FAT3: variants seen among roughly 807,000 people sequenced by gnomAD.
FAT3 encodes the protein protocadherin Fat 3.
In FAT3, 95 loss-of-function variants were observed where a neutral mutation model predicts 310.2. The observed-to-expected ratio is 0.31, with a 90% CI of 0.26 to 0.36. The LOEUF (loss-of-function observed/expected upper bound fraction) is 0.36. Among genes scored for constraint, FAT3 ranks in the 10% least tolerant of loss-of-function variants. The pLI is 1.00. For missense variants in FAT3, 5,408 were observed against 5,715.6 expected (o/e 0.95, Z 1.74); for synonymous variants, 2,314 against 2,192.9 (o/e 1.06, Z -1.54).
chr11:92,837,548 A>G, intron 16 of FAT3, 115 bp from the exon 17 acceptor site: 1 of 1,292,088 alleles, frequency 7.7e-7, no homozygotes, highest in Non-Finnish European at 1.1e-6. Context: ...GGAAAATCAA[A>G]CTAAAGATGG....
intron 19 of FAT3, among the ~76,000 whole-genome samples, chr11:92,852,158 A>T (rs998780760): frequency 6.6e-6 from 1 of 152,226 alleles, no homozygotes; most frequent in Non-Finnish European, 1.5e-5. Flanking sequence ...CAGGGTTGGC[A>T]TACAAAGGTT....
intron 2 of FAT3, among the ~76,000 whole-genome samples, chr11:92,407,587 C>G (rs1024129119): frequency 2.6e-5 from 4 of 152,118 alleles, no homozygotes; most frequent in African/African-American, 9.7e-5. Context: ...ATAAATGTAA[C>G]TAGTCAAGAC....
chr11:92,637,478 T>G (rs777298806), intron 3 of FAT3, among the ~76,000 whole-genome samples: 2 of 152,328 alleles, frequency 1.3e-5, no homozygotes, highest in Non-Finnish European at 2.9e-5. Flanking sequence ...GATTAAATTC[T>G]CTCACTTTTG....
intron 3 of FAT3, among the ~76,000 whole-genome samples, chr11:92,577,278 T>C (rs953430657): frequency 4.6e-5 from 7 of 151,844 alleles, no homozygotes; most frequent in East Asian, 1.9e-4. Flanking sequence ...CCCATTAATT[T>C]TTGCATTTTT....
intron 2 of FAT3, among the ~76,000 whole-genome samples, chr11:92,414,074 G>A (rs1591255166): frequency 6.6e-6 from 1 of 152,052 alleles, no homozygotes; most frequent in Non-Finnish European, 1.5e-5. Context: ...TCTTTGGTGG[G>A]TTGCTGCTTG....
chr11:92,755,958 G>T (rs1257329237), intron 4 of FAT3, among the ~76,000 whole-genome samples: 1 of 152,102 alleles, frequency 6.6e-6, no homozygotes, highest in Non-Finnish European at 1.5e-5. Context: ...AAATATTTAT[G>T]GAATTCTTAC....
intron 22 of FAT3, among the ~76,000 whole-genome samples, chr11:92,877,557 C>A (rs533205948): frequency 5.9e-5 from 9 of 152,292 alleles, no homozygotes; most frequent in Admixed American, 2.6e-4. Context: ...GTATTAGAAA[C>A]CAGGCCTTTA....
At chr11:92,770,725 A>C (rs1946435863) in intron 6 of FAT3, among the ~76,000 whole-genome samples, 1 of 152,184 alleles carries the variant, frequency 6.6e-6, no homozygotes, top group Non-Finnish European at 1.5e-5. Flanking sequence ...AAGCTGTGTG[A>C]TTCTCACCAT....
chr11:92,277,948 G>A (rs1339737208), intron 1 of FAT3, among the ~76,000 whole-genome samples: 1 of 151,948 alleles, frequency 6.6e-6, no homozygotes, highest in African/African-American at 2.4e-5. Flanking sequence ...GCTGGGCCTG[G>A]TGGCACAAGC....
chr11:92,598,835 A>G (rs1453801388), intron 3 of FAT3, among the ~76,000 whole-genome samples: 2 of 152,176 alleles, frequency 1.3e-5, no homozygotes, highest in Admixed American at 1.3e-4. Flanking sequence ...GATGACAATG[A>G]TAATGATTAA....
intron 2 of FAT3, among the ~76,000 whole-genome samples, chr11:92,363,885 C>G (rs1948945560): frequency 6.6e-6 from 1 of 152,146 alleles, no homozygotes; most frequent in Non-Finnish European, 1.5e-5. Context: ...TTGTAGTTGT[C>G]ATGTAAGCCA....
chr11:92,606,537 T>C (rs2135603637), intron 3 of FAT3, among the ~76,000 whole-genome samples: 1 of 152,320 alleles, frequency 6.6e-6, no homozygotes, highest in Non-Finnish European at 1.5e-5. Context: ...TTAGCAAATG[T>C]CTTCACTTGC....
At chr11:92,530,387 T>C (rs556575246) in intron 3 of FAT3, among the ~76,000 whole-genome samples, 2 of 152,218 alleles carry the variant, frequency 1.3e-5, no homozygotes, top group East Asian at 1.9e-4. Flanking sequence ...CAGAGACACC[T>C]GAGGACAAGA....
intron 1 of FAT3, among the ~76,000 whole-genome samples, chr11:92,346,091 C>T (rs962759999): frequency 2.0e-5 from 3 of 152,100 alleles, no homozygotes; most frequent in African/African-American, 7.2e-5. Flanking sequence ...TTCAGGCAGC[C>T]ATTAGCACCA....
chr11:92,575,248 A>G (rs1279021183), intron 3 of FAT3, among the ~76,000 whole-genome samples: 2 of 152,270 alleles, frequency 1.3e-5, no homozygotes, highest in Non-Finnish European at 2.9e-5. Flanking sequence ...CTGGCTCACT[A>G]AAGATACACA....
At chr11:92,538,277 C>T (rs1254551261) in intron 3 of FAT3, among the ~76,000 whole-genome samples, 1 of 151,970 alleles carries the variant, frequency 6.6e-6, no homozygotes, top group African/African-American at 2.4e-5. Context: ...AGAATTTTAC[C>T]CTGTGAAATT....
At chr11:92,230,015 A>G (rs1649834026) in intron 1 of FAT3, among the ~76,000 whole-genome samples, 1 of 152,146 alleles carries the variant, frequency 6.6e-6, no homozygotes, top group South Asian at 2.1e-4. Flanking sequence ...TGAACAATGC[A>G]TTATTGAAGG....
At position 92,281,645 on chromosome 11, in the gene FAT3, G is replaced by T. The variant is rs16917335; in HGVS notation, c.-18+56471G>T. On this transcript the variant is annotated intron_variant, in intron 1 of 27. Coordinates refer to ENST00000525166, the MANE Select transcript of FAT3 (RefSeq NM_001367949.2). ...TGACTTTTCCTCAGAGCCTAGCATA[G>T]TAACTGCCAGATGGTGAGTGCTCAA... Among the ~76,000 whole-genome samples, 1,349 of 152,244 alleles carry T rather than the reference G, an allele frequency of 8.9e-3. 18 individuals carry two copies. Among genetic ancestry groups the T allele is most frequent in the African/African-American group, 0.031 (1,267 of 41,538 alleles).
chr11:92,723,626 T>G (rs764822848), intron 4 of FAT3, among the ~76,000 whole-genome samples: 1 of 152,206 alleles, frequency 6.6e-6, no homozygotes. Context: ...TACTCAAGAC[T>G]GGGCAATTTA....
Sources: gnomAD v4.1 joint callset for allele counts (sites outside exome capture counted in the v4.1 genomes callset) on GRCh38, gnomAD v4.1.1 for gene constraint, MANE v1.5 for transcripts, NCBI Gene and HGNC (gene_info 2026-07-23, HGNC 2026-07-21) for gene names.